The following TMEM150C variants were observed in gnomAD, a reference collection of about 807,000 sequenced individuals.
The protein encoded by TMEM150C is transmembrane protein 150C.
Under a neutral mutation model 29.9 loss-of-function variants are expected in TMEM150C, and 10 were observed. The ratio of observed to expected loss-of-function variants is 0.33; its 90% confidence interval spans 0.21 to 0.57. The LOEUF (loss-of-function observed/expected upper bound fraction) is 0.57, where lower values mean the gene tolerates loss of function less well. TMEM150C is among the 20% of genes least tolerant of loss of function. TMEM150C has a pLI of 0.88. For missense variants in TMEM150C, 251 were observed against 303.6 expected (o/e 0.83, Z 1.29); for synonymous variants, 101 against 112.5 (o/e 0.90, Z 0.64).
intron 2 of TMEM150C, among the ~76,000 whole-genome samples, chr4:82,503,593 G>A (rs922233293): frequency 7.9e-5 from 12 of 152,238 alleles, no homozygotes; most frequent in Non-Finnish European, 1.6e-4. Flanking sequence ...GCTCACGCCT[G>A]TAATCCCAGC....
chr4:82,502,696 G>A (rs1227674480), intron 5 of TMEM150C, 31 bp downstream of exon 5: 1 of 1,583,108 alleles, frequency 6.3e-7, no homozygotes, highest in Admixed American at 1.8e-5. Context: ...ATGTACCAAA[G>A]CACATAAAGC....
intron 1 of TMEM150C, among the ~76,000 whole-genome samples, chr4:82,533,542 T>C: frequency 6.6e-6 from 1 of 152,234 alleles, no homozygotes; most frequent in East Asian, 1.9e-4. Context: ...ATCTACCGTT[T>C]ATGTCTTAAA....
chr4:82,511,734 T>C (rs1169812665), intron 1 of TMEM150C, among the ~76,000 whole-genome samples: 1 of 152,096 alleles, frequency 6.6e-6, no homozygotes, highest in Non-Finnish European at 1.5e-5. Flanking sequence ...CTCAAAGTGT[T>C]AGGATTATAG....
At chr4:82,559,427 C>T (rs187160981) in intron 1 of TMEM150C, among the ~76,000 whole-genome samples, 49 of 151,688 alleles carry the variant, frequency 3.2e-4, no homozygotes, top group African/African-American at 1.1e-3. Context: ...TGCTGGTGGA[C>T]GCCTGTAATC....
chr4:82,542,766 C>A (rs1462902120), intron 1 of TMEM150C, among the ~76,000 whole-genome samples: 1 of 152,070 alleles, frequency 6.6e-6, no homozygotes, highest in Non-Finnish European at 1.5e-5. Flanking sequence ...ATATTTGCAT[C>A]AAGGTGATTG....
intron 1 of TMEM150C, among the ~76,000 whole-genome samples, chr4:82,552,459 A>C (rs1160536146): frequency 6.6e-6 from 1 of 151,986 alleles, no homozygotes; most frequent in African/African-American, 2.4e-5. Flanking sequence ...CTCAGTCCCC[A>C]CCAGAGCTTT....
At position 82,514,363 on chromosome 4, in the gene TMEM150C, T is replaced by C. The variant is rs535811334; in HGVS notation, c.-10-9696A>G. On this transcript the variant is annotated intron_variant, in intron 1 of 7. Transcript: ENST00000449862. ...TCTACCGTGGTATATTGAATGTGAG[T>C]ATGAGTGCAGAAGTCGGGAGATAAC... Among the ~76,000 whole-genome samples, 4 of 152,214 alleles carry C rather than the reference T, an allele frequency of 2.6e-5. 1 individual carries two copies. The South Asian group carries it at 8.3e-4, about 32-fold the overall frequency.
intron 1 of TMEM150C, among the ~76,000 whole-genome samples, chr4:82,519,009 T>G (rs1458967683): frequency 6.6e-6 from 1 of 152,226 alleles, no homozygotes; most frequent in Non-Finnish European, 1.5e-5. Context: ...ATTCATTGAC[T>G]GAAGAAGTTG....
rs1206903713 is a variant in TMEM150C at position 82,491,170 on chromosome 4, C to G, written c.364-932G>C. 8 of 699,046 alleles carry G rather than the reference C, an allele frequency of 1.1e-5. No individual in the cohort carries two copies. In the African/African-American group the frequency reaches 1.2e-4, roughly 11 times the overall value. 43.3% of individuals were successfully genotyped at this position (699,046 alleles called of 1,614,324 possible). A position where few individuals can be genotyped will look rare whatever the true frequency, so the allele number is the denominator to read the frequency against. ...TCGTGTGCAATCACCACCAGCTGAGCCTTTTTGTTTTCCACCAAGGTGGTG... is the reference window on the plus strand; with the variant it reads ...TCGTGTGCAATCACCACCAGCTGAGGCTTTTTGTTTTCCACCAAGGTGGTG... On this transcript the variant is annotated intron_variant, in intron 6 of 7. Coordinates refer to ENST00000449862, the MANE Select transcript of TMEM150C (RefSeq NM_001080506.3).
intron 1 of TMEM150C, among the ~76,000 whole-genome samples, chr4:82,508,989 TC>T (rs1724030725): frequency 6.6e-6 from 1 of 152,170 alleles, no homozygotes; most frequent in African/African-American, 2.4e-5. Flanking sequence ...TGGAAGACTC[TC>T]CTCCAAATGG....
intron 1 of TMEM150C, among the ~76,000 whole-genome samples, chr4:82,513,825 A>T (rs534945922): frequency 1.6e-4 from 25 of 152,364 alleles, no homozygotes; most frequent in Admixed American, 5.2e-4. Context: ...TGAGAGAGGA[A>T]AACATGGAGG....
At chr4:82,502,626 G>T in intron 5 of TMEM150C, 101 bp downstream of exon 5, 1 of 1,178,780 alleles carries the variant, frequency 8.5e-7, no homozygotes, top group South Asian at 1.4e-5. Flanking sequence ...GATACTAAAT[G>T]ATCAAATAAG....
intron 1 of TMEM150C, among the ~76,000 whole-genome samples, chr4:82,554,649 C>T (rs1349394317): frequency 6.6e-6 from 1 of 152,074 alleles, no homozygotes; most frequent in Non-Finnish European, 1.5e-5. Context: ...TAAAGCTATG[C>T]TATTTTTAGA....
chr4:82,491,594 C>T (rs1166020903), intron 6 of TMEM150C: 6 of 632,554 alleles, frequency 9.5e-6, no homozygotes, highest in East Asian at 5.6e-5. Context: ...CAGCAGGGGC[C>T]GGAGCCACCT....
intron 5 of TMEM150C, among the ~76,000 whole-genome samples, chr4:82,502,513 A>C (rs777083471): frequency 2.6e-4 from 39 of 152,344 alleles, no homozygotes; most frequent in Middle Eastern, 3.4e-3. Flanking sequence ...AAAGATGGTA[A>C]AGGGAAGAGA....
chr4:82,503,238 A>T (rs1723793906), intron 2 of TMEM150C, 126 bp from the exon 3 acceptor site: 2 of 695,466 alleles, frequency 2.9e-6, no homozygotes, highest in South Asian at 2.0e-5. Context: ...GCTCTTTTAC[A>T]ATTCTTTACC....
intron 1 of TMEM150C, among the ~76,000 whole-genome samples, chr4:82,554,485 AT>A (rs1470570697): frequency 2.6e-5 from 4 of 152,312 alleles, no homozygotes; most frequent in East Asian, 1.9e-4. Flanking sequence ...AGTTTAAAAA[AT>A]ATATGTTAAT....
intron 1 of TMEM150C, among the ~76,000 whole-genome samples, chr4:82,557,117 C>A (rs886983220): frequency 6.6e-5 from 10 of 152,164 alleles, no homozygotes; most frequent in Non-Finnish European, 1.0e-4. Context: ...CAACATGTCC[C>A]TCTCCATGAT....
upstream of TMEM150C, chr4:82,562,196 G>A: frequency 7.8e-7 from 1 of 1,284,332 alleles, no homozygotes; most frequent in South Asian, 1.2e-5. Flanking sequence ...CGGGCGAGCC[G>A]CTTCCTTCCG....
Sources: gnomAD v4.1 joint callset for allele counts (sites outside exome capture counted in the v4.1 genomes callset) on GRCh38, gnomAD v4.1.1 for gene constraint, MANE v1.5 for transcripts, NCBI Gene and HGNC (gene_info 2026-07-23, HGNC 2026-07-21) for gene names.